The following GALNT2 variants were observed in gnomAD, a reference collection of about 807,000 sequenced individuals.
The protein encoded by GALNT2 is polypeptide N-acetylgalactosaminyltransferase 2.
Under a neutral mutation model 81.4 loss-of-function variants are expected in GALNT2, and 31 were observed. That is an observed-to-expected ratio of 0.38 (90% CI 0.29 to 0.51). GALNT2 has a LOEUF of 0.51. Among genes scored for constraint, GALNT2 ranks in the 20% least tolerant of loss-of-function variants. The pLI is 0.87. For missense variants in GALNT2, 629 were observed against 765.7 expected (o/e 0.82, Z 2.11); for synonymous variants, 303 against 287.4 (o/e 1.05, Z -0.55).
At chr1:230,137,648 C>G (rs1227607885) in intron 1 of GALNT2, among the ~76,000 whole-genome samples, 1 of 152,250 alleles carries the variant, frequency 6.6e-6, no homozygotes, top group Non-Finnish European at 1.5e-5. Flanking sequence ...GACCCCACTG[C>G]AACAGGCTCG....
chr1:230,163,394 G>T (rs1662495520), intron 1 of GALNT2, among the ~76,000 whole-genome samples: 1 of 152,212 alleles, frequency 6.6e-6, no homozygotes, highest in South Asian at 2.1e-4. Flanking sequence ...CAGAGAGCAT[G>T]GGATGAGGTC....
At chr1:230,239,328 T>C (rs1414618234) in intron 6 of GALNT2, among the ~76,000 whole-genome samples, 1 of 152,204 alleles carries the variant, frequency 6.6e-6, no homozygotes, top group Admixed American at 6.5e-5. Flanking sequence ...TTAAGGAATA[T>C]TGACTCACAC....
intron 1 of GALNT2, among the ~76,000 whole-genome samples, chr1:230,060,858 T>C (rs893975868): frequency 7.9e-5 from 12 of 152,210 alleles, no homozygotes; most frequent in African/African-American, 2.9e-4. Context: ...ATTTAGCCAG[T>C]GGGGCCCCTT....
intron 2 of GALNT2, among the ~76,000 whole-genome samples, chr1:230,195,780 G>A (rs1171330408): frequency 6.6e-6 from 1 of 152,176 alleles, no homozygotes; most frequent in East Asian, 1.9e-4. Context: ...CCTCCTGGAG[G>A]AGGAGGGAGC....
At chr1:230,134,269 C>T (rs1661466298) in intron 1 of GALNT2, among the ~76,000 whole-genome samples, 1 of 152,096 alleles carries the variant, frequency 6.6e-6, no homozygotes, top group Non-Finnish European at 1.5e-5. Context: ...CCACCATGCC[C>T]AGCTAATTTT....
At chr1:230,249,058 G>T in intron 8 of GALNT2, 126 bp from the exon 9 acceptor site, 17 of 891,056 alleles carry the variant, frequency 1.9e-5, no homozygotes, top group Admixed American at 1.3e-4. Flanking sequence ...CTTCTTTTTT[G>T]GCTTTGTTTT....
At chr1:230,215,317 C>T (rs928419487) in intron 3 of GALNT2, among the ~76,000 whole-genome samples, 43 of 152,238 alleles carry the variant, frequency 2.8e-4, no homozygotes, top group Admixed American at 1.1e-3. Context: ...CTCAGTCGGC[C>T]GTTTGGCTCT....
chr1:230,141,386 G>A lies in GALNT2; in HGVS notation c.127-36832G>A, dbSNP rs56085304. On this transcript the variant is annotated intron_variant, in intron 1 of 15. Transcript: ENST00000366672. ...TAAATTTACAGCTCAGTATCCTCAC[G>A]CATCCACAGAACTCTTTCATCTTGC... Among the ~76,000 whole-genome samples the A allele has an allele frequency of 5.3e-5, 8 of 152,152 alleles. No individual in the cohort carries two copies. The East Asian group carries it at 1.2e-3, about 22-fold the overall frequency.
At chr1:230,249,006 A>G (rs1255451820) in intron 8 of GALNT2, among the ~76,000 whole-genome samples, 178 bp from the exon 9 acceptor site, 1 of 152,100 alleles carries the variant, frequency 6.6e-6, no homozygotes, top group Non-Finnish European at 1.5e-5. Context: ...CTCTCTCTTC[A>G]GCTACACCCA....
intron 1 of GALNT2, among the ~76,000 whole-genome samples, chr1:230,098,372 A>G (rs1184938089): frequency 6.6e-6 from 1 of 152,114 alleles, no homozygotes; most frequent in African/African-American, 2.4e-5. Context: ...TGTGTAGTGC[A>G]GAGATTTGCT....
At chr1:230,235,907 T>A in intron 3 of GALNT2, 107 bp from the exon 4 acceptor site, 1 of 899,334 alleles carries the variant, frequency 1.1e-6, no homozygotes. Flanking sequence ...AAGTTAATCA[T>A]AGCATGTCCA....
At position 230,279,691 on chromosome 1, in the gene GALNT2, C is replaced by A; in HGVS notation, c.*233C>A. ...GGTGCAGCCCAGCCGGGCCCCCTTCCCCAGGCCGGAGCGCCCCTCTTCCTT... is the reference window on the plus strand; with the variant it reads ...GGTGCAGCCCAGCCGGGCCCCCTTCACCAGGCCGGAGCGCCCCTCTTCCTT... On this transcript the variant is annotated 3_prime_UTR_variant, in exon 16 of 16. Coordinates refer to ENST00000366672, the MANE Select transcript of GALNT2 (RefSeq NM_004481.5). This position sits in a 1 kb window ranked among gnomAD's most constrained non-coding sequence, Gnocchi z 4.6. The A allele has an allele frequency of 1.7e-6, 1 of 583,088 alleles. No homozygotes were observed. Among genetic ancestry groups the A allele is most frequent in the Non-Finnish European group, 3.1e-6 (1 of 326,612 alleles). 36.1% of individuals were successfully genotyped at this position (583,088 alleles called of 1,614,324 possible).
Position 230,280,345 on chromosome 1 carries a change from A to G in GALNT2, c.*887A>G, listed in dbSNP as rs760758014. ...CTGAGAGTCCCTACTGTGCGTCAGA[A>G]TCCACCTTGCGTGCTGTGCGTATCT... On this transcript the variant is annotated 3_prime_UTR_variant, in exon 16 of 16. Transcript: ENST00000366672. The G allele has an allele frequency of 3.7e-5, 10 of 268,058 alleles. No homozygotes were observed. The highest frequency in any genetic ancestry group is 6.0e-5 in the Non-Finnish European group (8 of 134,090). 16.6% of individuals were successfully genotyped at this position (268,058 alleles called of 1,614,324 possible).
At chr1:230,256,404 C>CCT (rs988685159) in intron 11 of GALNT2, among the ~76,000 whole-genome samples, 1 of 151,284 alleles carries the variant, frequency 6.6e-6, no homozygotes, top group African/African-American at 2.4e-5. Context: ...CAAGATCGTG[C>CCT]CTCTGCACTC....
chr1:230,152,718 G>A (rs781029865), intron 1 of GALNT2, among the ~76,000 whole-genome samples: 3 of 152,194 alleles, frequency 2.0e-5, no homozygotes, highest in African/African-American at 7.2e-5. Flanking sequence ...ACACAGACTC[G>A]TGTTTTGTGT....
chr1:230,059,791 C>G (rs1329439268), intron 1 of GALNT2, among the ~76,000 whole-genome samples: 1 of 152,054 alleles, frequency 6.6e-6, no homozygotes, highest in African/African-American at 2.4e-5. Context: ...TTTTTTTTAT[C>G]ATTCTCTCTC....
chr1:230,173,899 C>T lies in GALNT2; in HGVS notation c.127-4319C>T, dbSNP rs183172613. Reference sequence around the variant, plus strand: ...GTACAATCAATCTGAGTAAGTAGGGCGAGGATTTTTTTTTTTCAGCTGCAT... The same window carrying T: ...GTACAATCAATCTGAGTAAGTAGGGTGAGGATTTTTTTTTTTCAGCTGCAT... On this transcript the variant is annotated intron_variant, in intron 1 of 15. Coordinates refer to ENST00000366672, the MANE Select transcript of GALNT2 (RefSeq NM_004481.5). Among the ~76,000 whole-genome samples the T allele has an allele frequency of 3.9e-5, 6 of 151,936 alleles. No homozygotes were observed. In the East Asian group the frequency reaches 9.6e-4, roughly 24 times the overall value.
At chr1:230,254,808 G>T (rs368491908) in intron 10 of GALNT2, among the ~76,000 whole-genome samples, 2 of 152,180 alleles carry the variant, frequency 1.3e-5, no homozygotes, top group Admixed American at 6.5e-5. Context: ...GCAAATGATC[G>T]TGAGCCAGCT....
At chr1:230,165,871 T>C (rs1662585687) in intron 1 of GALNT2, among the ~76,000 whole-genome samples, 1 of 152,236 alleles carries the variant, frequency 6.6e-6, no homozygotes, top group Admixed American at 6.5e-5. Context: ...GGAGTCCTGC[T>C]GTAGGTCACT....
Sources: gnomAD v4.1 joint callset for allele counts (sites outside exome capture counted in the v4.1 genomes callset) on GRCh38, gnomAD v4.1.1 for gene constraint, Gnocchi (gnomAD v3.1) non-coding constraint, MANE v1.5 for transcripts, NCBI Gene and HGNC (gene_info 2026-07-23, HGNC 2026-07-21) for gene names.